The following DACH1 variants were observed in gnomAD, a reference collection of about 807,000 sequenced individuals.
The protein encoded by DACH1 is dachshund homolog 1.
Under a neutral mutation model 54.2 loss-of-function variants are expected in DACH1, and 12 were observed. The observed-to-expected ratio is 0.22, with a 90% CI of 0.14 to 0.36. DACH1 has a LOEUF of 0.36. Among genes scored for constraint, DACH1 ranks in the 10% least tolerant of loss-of-function variants. The pLI is 1.00. For synonymous variants in DACH1, 386 were observed against 366.2 expected, an observed-to-expected ratio of 1.05 and a Z score of -0.62; for missense variants, 805 against 929.8, an observed-to-expected ratio of 0.87 and a Z score of 1.75.
In DACH1 at chr13:71,867,084, TC is replaced by T. The variant is rs1318451523; in HGVS notation, c.-316del. 1 of 195,084 alleles carries T rather than the reference TC, an allele frequency of 5.1e-6. No homozygotes were observed. Among genetic ancestry groups the T allele is most frequent in the Non-Finnish European group, 1.0e-5 (1 of 99,420 alleles). 12.1% of individuals were successfully genotyped at this position (195,084 alleles called of 1,614,324 possible). On this transcript the variant is annotated 5_prime_UTR_variant, in exon 1 of 11. Transcript: ENST00000613252. ...GGGGGTGGGGGTGGGGCGGGGAGGG[TC>T]GGCTGTTGTTGTGTGGGTCTCGCTC...
intron 4 of DACH1, among the ~76,000 whole-genome samples, chr13:71,571,718 T>C (rs572225347): frequency 6.6e-6 from 1 of 151,290 alleles, no homozygotes; most frequent in South Asian, 2.1e-4. Context: ...TGTATGTAAG[T>C]AGTAACAGGG....
At chr13:71,805,087 A>T (rs1052080079) in intron 1 of DACH1, among the ~76,000 whole-genome samples, 12 of 152,198 alleles carry the variant, frequency 7.9e-5, no homozygotes, top group Non-Finnish European at 1.5e-4. Flanking sequence ...CTCAATACTC[A>T]CATGTCAGTA....
intron 3 of DACH1, among the ~76,000 whole-genome samples, chr13:71,595,268 T>C (rs1247144876): frequency 1.3e-5 from 2 of 151,754 alleles, no homozygotes; most frequent in South Asian, 2.1e-4. Flanking sequence ...GGAATCAGAG[T>C]AGAGAAGAAT....
At chr13:71,571,925 C>G (rs1013859627) in intron 4 of DACH1, among the ~76,000 whole-genome samples, 2 of 151,648 alleles carry the variant, frequency 1.3e-5, no homozygotes, top group Non-Finnish European at 2.9e-5. Flanking sequence ...TTGATAGATA[C>G]GGGGTTTCAC....
At chr13:71,791,740 G>A (rs991310516) in intron 1 of DACH1, among the ~76,000 whole-genome samples, 5 of 152,136 alleles carry the variant, frequency 3.3e-5, no homozygotes, top group Non-Finnish European at 7.3e-5. Flanking sequence ...ACAGTTAAAT[G>A]GGATTATAAT....
intron 3 of DACH1, among the ~76,000 whole-genome samples, chr13:71,609,972 A>G (rs1875195859): frequency 6.6e-6 from 1 of 152,212 alleles, no homozygotes; most frequent in Admixed American, 6.5e-5. Flanking sequence ...ATCAGGGAGA[A>G]ATGAGACATA....
At position 71,445,902 on chromosome 13, in the gene DACH1, G is replaced by C. The variant is rs187195029; in HGVS notation, c.2084-5210C>G. On this transcript the variant is annotated intron_variant, in intron 10 of 10. Transcript: ENST00000613252. ...CTGTTAACAAACCACCTGAATGAAA[G>C]GCGGATGGCAAATGTGCTAGGAAGG... Among the ~76,000 whole-genome samples the C allele has an allele frequency of 3.8e-3, 582 of 152,318 alleles. 5 individuals are homozygous for C. The highest frequency in any genetic ancestry group is 0.013 in the African/African-American group (525 of 41,574).
In DACH1 at chr13:71,439,856, T is replaced by A. The variant is rs946650015; in HGVS notation, c.*799A>T. ...GTTTTATGTTTATATACTGTACATATGACCAACAGTTTGAATAAGAAGCAA... is the reference window on the plus strand; with the variant it reads ...GTTTTATGTTTATATACTGTACATAAGACCAACAGTTTGAATAAGAAGCAA... On this transcript the variant is annotated 3_prime_UTR_variant, in exon 11 of 11. Coordinates refer to ENST00000613252, the MANE Select transcript of DACH1 (RefSeq NM_080759.6). The A allele has an allele frequency of 6.6e-6, 1 of 152,478 alleles. No individual in the cohort carries two copies. The highest frequency in any genetic ancestry group is 6.6e-5 in the Admixed American group (1 of 15,232). 9.4% of individuals were successfully genotyped at this position (152,478 alleles called of 1,614,324 possible).
At chr13:71,732,017 A>G (rs1379430252) in intron 1 of DACH1, among the ~76,000 whole-genome samples, 1 of 152,210 alleles carries the variant, frequency 6.6e-6, no homozygotes, top group Admixed American at 6.5e-5. Flanking sequence ...AATCCTTTCA[A>G]CGAAGATCAT....
At chr13:71,781,346 T>TTATA (rs1555322395) in intron 1 of DACH1, among the ~76,000 whole-genome samples, 1 of 137,160 alleles carries the variant, frequency 7.3e-6, no homozygotes, top group Admixed American at 7.5e-5. Context: ...TCTTTTTTAT[T>TTATA]TTTATTTATT....
At chr13:71,486,141 A>T (rs971716312) in intron 7 of DACH1, among the ~76,000 whole-genome samples, 8 of 151,936 alleles carry the variant, frequency 5.3e-5, no homozygotes, top group Non-Finnish European at 1.2e-4. Context: ...TTACAAATTT[A>T]AAAATCCAGG....
chr13:71,826,951 C>T (rs951525483), intron 1 of DACH1, among the ~76,000 whole-genome samples: 8 of 151,998 alleles, frequency 5.3e-5, no homozygotes, highest in Non-Finnish European at 1.0e-4. Flanking sequence ...TTTACAATTA[C>T]GTATGTACAG....
chr13:71,623,145 G>T (rs1876368319), intron 3 of DACH1, among the ~76,000 whole-genome samples: 1 of 151,518 alleles, frequency 6.6e-6, no homozygotes, highest in Non-Finnish European at 1.5e-5. Context: ...AGTGAAAAAT[G>T]ATTTTTTTAA....
At chr13:71,859,611 A>G (rs1402535796) in intron 1 of DACH1, among the ~76,000 whole-genome samples, 1 of 151,898 alleles carries the variant, frequency 6.6e-6, no homozygotes, top group Non-Finnish European at 1.5e-5. Flanking sequence ...GCAACAATGG[A>G]CACACTCTTA....
intron 1 of DACH1, among the ~76,000 whole-genome samples, chr13:71,837,316 A>G (rs1888831461): frequency 6.6e-6 from 1 of 152,120 alleles, no homozygotes; most frequent in African/African-American, 2.4e-5. Context: ...TGGATTCACC[A>G]ACTTCAATGG....
In DACH1 at chr13:71,517,897, T is replaced by A. The variant is rs530228723; in HGVS notation, c.1571-28749A>T. Among the ~76,000 whole-genome samples, 447 of 152,034 alleles carry A rather than the reference T, an allele frequency of 2.9e-3. 4 individuals are homozygous for A. Among genetic ancestry groups the A allele is most frequent in the Non-Finnish European group, 4.0e-3 (273 of 67,908 alleles). On this transcript the variant is annotated intron_variant, in intron 6 of 10. Coordinates refer to ENST00000613252, the MANE Select transcript of DACH1 (RefSeq NM_080759.6). ...TTAGTCCAACCAAAATTCAGTGTAATATAATTCATTCTATTTTGATTTATC... is the reference window on the plus strand; with the variant it reads ...TTAGTCCAACCAAAATTCAGTGTAAAATAATTCATTCTATTTTGATTTATC...
intron 2 of DACH1, among the ~76,000 whole-genome samples, chr13:71,667,011 A>G (rs1879885802): frequency 6.6e-6 from 1 of 152,142 alleles, no homozygotes; most frequent in South Asian, 2.1e-4. Context: ...AAACAAAAAA[A>G]TGAAGCAGCT....
At chr13:71,600,912 A>G (rs1874444726) in intron 3 of DACH1, among the ~76,000 whole-genome samples, 1 of 151,840 alleles carries the variant, frequency 6.6e-6, no homozygotes, top group South Asian at 2.1e-4. Flanking sequence ...TAGAGATTAT[A>G]CTTTTGTTGG....
chr13:71,701,633 A>G (rs578051799), intron 1 of DACH1, among the ~76,000 whole-genome samples: 1 of 152,318 alleles, frequency 6.6e-6, no homozygotes, highest in Non-Finnish European at 1.5e-5. Flanking sequence ...GATGAAATCT[A>G]AAATGCACAC....
Sources: gnomAD v4.1 joint callset for allele counts (sites outside exome capture counted in the v4.1 genomes callset) on GRCh38, gnomAD v4.1.1 for gene constraint, MANE v1.5 for transcripts, NCBI Gene and HGNC (gene_info 2026-07-23, HGNC 2026-07-21) for gene names.